NRXN1: variants seen among roughly 807,000 people sequenced by gnomAD.
NRXN1 encodes the protein neurexin-1.
Under a neutral mutation model 150.9 loss-of-function variants are expected in NRXN1, and 39 were observed. That is an observed-to-expected ratio of 0.26 (90% confidence interval 0.20 to 0.34). NRXN1 has a LOEUF of 0.34. Among genes scored for constraint, NRXN1 ranks in the 10% least tolerant of loss-of-function variants. NRXN1 has a pLI of 1.00. For synonymous variants in NRXN1, 924 were observed against 757.0 expected, an observed-to-expected ratio of 1.22 and a Z score of -3.62; for missense variants, 1,815 against 1,949.9, an observed-to-expected ratio of 0.93 and a Z score of 1.30.
At chr2:51,030,557 C>T (rs1020358522) in intron 1 of NRXN1, among the ~76,000 whole-genome samples, 1 of 151,710 alleles carries the variant, frequency 6.6e-6, no homozygotes, top group Non-Finnish European at 1.5e-5. Context: ...CACACACACA[C>T]ACACACACAC....
intron 2 of NRXN1, among the ~76,000 whole-genome samples, chr2:50,936,417 TA>T (rs1220669236): frequency 7.2e-5 from 11 of 152,218 alleles, no homozygotes; most frequent in African/African-American, 2.6e-4. Flanking sequence ...TTACATAAAA[TA>T]ATAAATGACA....
At chr2:50,967,517 CA>C (rs2104753464) in intron 2 of NRXN1, among the ~76,000 whole-genome samples, 1 of 151,998 alleles carries the variant, frequency 6.6e-6, no homozygotes, top group African/African-American at 2.4e-5. Context: ...GAAGTATGGG[CA>C]CTGATTATGT....
At chr2:50,722,046 C>T (rs187590337) in intron 5 of NRXN1, among the ~76,000 whole-genome samples, 255 of 152,214 alleles carry the variant, frequency 1.7e-3, no homozygotes, top group Admixed American at 4.4e-3. Context: ...TAGGCTCCCA[C>T]TGCTCTTTAA....
At chr2:50,795,096 A>T (rs1355173871) in intron 5 of NRXN1, among the ~76,000 whole-genome samples, 1 of 152,082 alleles carries the variant, frequency 6.6e-6, no homozygotes, top group Non-Finnish European at 1.5e-5. Context: ...TTAGTAGGAG[A>T]TCATGGAGCT....
At chr2:50,438,714 A>G (rs939165732) in intron 17 of NRXN1, among the ~76,000 whole-genome samples, 1 of 152,344 alleles carries the variant, frequency 6.6e-6, no homozygotes, top group East Asian at 1.9e-4. Flanking sequence ...GAGAATAAAA[A>G]CGACTAATAA....
chr2:50,730,022 CA>C (rs1697897855), intron 5 of NRXN1, among the ~76,000 whole-genome samples: 1 of 152,174 alleles, frequency 6.6e-6, no homozygotes, highest in Admixed American at 6.5e-5. Flanking sequence ...TGTCATCTTG[CA>C]GCCACTCTCT....
At chr2:50,953,004 T>C (rs1199834054) in intron 2 of NRXN1, among the ~76,000 whole-genome samples, 1 of 152,072 alleles carries the variant, frequency 6.6e-6, no homozygotes, top group Non-Finnish European at 1.5e-5. Flanking sequence ...GATCAATATA[T>C]ATGGAGGAGA....
chr2:50,029,082 T>C (rs894730929), intron 21 of NRXN1, among the ~76,000 whole-genome samples: 6 of 152,150 alleles, frequency 3.9e-5, no homozygotes, highest in African/African-American at 1.4e-4. Context: ...TGATTAGGTG[T>C]TGAGGATGGA....
rs541313274 is a variant in NRXN1, at chr2:50,978,438, GT to G, written c.772+49063del. Among the ~76,000 whole-genome samples, 134 of 150,202 alleles carry G rather than the reference GT, an allele frequency of 8.9e-4. 1 individual carries two copies. The highest frequency in any genetic ancestry group is 3.0e-3 in the African/African-American group (125 of 41,136). On this transcript the variant is annotated intron_variant, in intron 2 of 22. Coordinates refer to ENST00000401669, the MANE Select transcript of NRXN1 (RefSeq NM_001330078.2). ...ATGTATTTGTATAATCTGCATCAAT[GT>G]TGTTAATGGCTGCACAATATATTTT...
chr2:50,535,245 A>G (rs1189660548), intron 10 of NRXN1, among the ~76,000 whole-genome samples: 6 of 152,248 alleles, frequency 3.9e-5, no homozygotes, highest in African/African-American at 7.2e-5. Flanking sequence ...TTTAGAATAT[A>G]CAATAATTCT....
At chr2:50,990,471 C>A (rs975704376) in intron 2 of NRXN1, among the ~76,000 whole-genome samples, 1 of 152,062 alleles carries the variant, frequency 6.6e-6, no homozygotes, top group Non-Finnish European at 1.5e-5. Context: ...ACAGTTCAAG[C>A]GCTCTTTTGA....
At chr2:50,538,198 C>A in intron 10 of NRXN1, 55 bp downstream of exon 10, 1 of 1,561,138 alleles carries the variant, frequency 6.4e-7, no homozygotes, top group Admixed American at 1.8e-5. Flanking sequence ...TTGAGGTCAA[C>A]ATTTAATAAA....
At chr2:50,387,438 C>T (rs1572783239) in intron 17 of NRXN1, among the ~76,000 whole-genome samples, 1 of 152,016 alleles carries the variant, frequency 6.6e-6, no homozygotes, top group African/African-American at 2.4e-5. Flanking sequence ...GCCCTCAGGC[C>T]CCAACTACTT....
intron 5 of NRXN1, among the ~76,000 whole-genome samples, chr2:50,794,851 A>G (rs1372147635): frequency 6.6e-6 from 1 of 152,120 alleles, no homozygotes; most frequent in African/African-American, 2.4e-5. Flanking sequence ...CAATTTTTTC[A>G]TAGTCAATAT....
intron 21 of NRXN1, among the ~76,000 whole-genome samples, chr2:49,959,499 A>T (rs766353452): frequency 9.9e-5 from 15 of 152,180 alleles, no homozygotes; most frequent in South Asian, 4.1e-4. Flanking sequence ...TGACAAATTG[A>T]GAAGCCCTGG....
At chr2:50,608,830 C>T (rs911178586) in intron 8 of NRXN1, among the ~76,000 whole-genome samples, 6 of 151,996 alleles carry the variant, frequency 3.9e-5, no homozygotes, top group South Asian at 4.2e-4. Context: ...AAAAATAATG[C>T]GAAATGAAAT....
At chr2:50,780,776 T>C (rs1231635643) in intron 5 of NRXN1, among the ~76,000 whole-genome samples, 1 of 152,220 alleles carries the variant, frequency 6.6e-6, no homozygotes, top group Non-Finnish European at 1.5e-5. Context: ...TTTTATATGA[T>C]ATGAAATGAC....
intron 15 of NRXN1, among the ~76,000 whole-genome samples, chr2:50,481,756 G>GTTTTT (rs1553677617): frequency 5.9e-4 from 40 of 67,658 alleles, no homozygotes; most frequent in East Asian, 7.1e-4. Context: ...CTGAACTTTT[G>GTTTTT]TTTCTTTTTT....
intron 12 of NRXN1, among the ~76,000 whole-genome samples, chr2:50,527,643 A>T (rs2092991338): frequency 6.6e-6 from 1 of 152,138 alleles, no homozygotes; most frequent in East Asian, 1.9e-4. Context: ...GTATTTTATT[A>T]GGAAAATAGT....
Sources: gnomAD v4.1 joint callset for allele counts (sites outside exome capture counted in the v4.1 genomes callset) on GRCh38, gnomAD v4.1.1 for gene constraint, MANE v1.5 for transcripts, NCBI Gene and HGNC (gene_info 2026-07-23, HGNC 2026-07-21) for gene names.